Variants in JAK1 observed in about 807,000 individuals in gnomAD.
JAK1 encodes the protein Janus kinase 1.
JAK1 carries 16 observed loss-of-function variants against 136.6 expected under a neutral mutation model. The ratio of observed to expected loss-of-function variants is 0.12; its 90% CI spans 0.08 to 0.18. The LOEUF is 0.18. Among genes scored for constraint, JAK1 ranks in the 10% least tolerant of loss-of-function variants. JAK1 has a pLI of 1.00. For missense variants in JAK1, 859 were observed against 1,450.1 expected, an observed-to-expected ratio of 0.59 and a Z score of 6.62; for synonymous variants, 492 against 519.5, an observed-to-expected ratio of 0.95 and a Z score of 0.72.
chr1:64,855,744 G>C lies in JAK1; in HGVS notation c.1459-46C>G, dbSNP rs566689498. On this transcript the variant is annotated intron_variant, in intron 10 of 24. Transcript: ENST00000342505. Reference sequence around the variant, plus strand: ...AATTACATGTTTAAAATGGGGTCAGGCATGGGTATGTAAGATATTAACATT... The same window carrying C: ...AATTACATGTTTAAAATGGGGTCAGCCATGGGTATGTAAGATATTAACATT... 1.0e-4 allele frequency: 156 copies of C among 1,536,810 alleles called. No individual in the cohort carries two copies. The South Asian group carries it at 1.5e-3, about 15-fold the overall frequency.
intron 11 of JAK1, among the ~76,000 whole-genome samples, chr1:64,855,305 G>C (rs556039820): frequency 2.6e-4 from 40 of 152,332 alleles, no homozygotes; most frequent in African/African-American, 9.4e-4. Flanking sequence ...GCTGAGAAAG[G>C]TATATGCCTC....
intron 1 of JAK1, among the ~76,000 whole-genome samples, chr1:64,919,812 T>C (rs907846135): frequency 6.6e-6 from 1 of 152,102 alleles, no homozygotes; most frequent in Non-Finnish European, 1.5e-5. Flanking sequence ...GTCTTTCAAG[T>C]AGCTACTATA....
chr1:64,993,765 C>G lies in JAK1; in HGVS notation c.-78+50715G>C, dbSNP rs531524564. ...GGTTCAAGCGATTCTCCTCCCTCAG[C>G]CTCCCAAGTAGCTGGGATTACAGGC... On this transcript the variant is annotated intron_variant, in intron 2 of 25. Transcript: ENST00000671954. Among the ~76,000 whole-genome samples the G allele has an allele frequency of 2.6e-4, 39 of 152,274 alleles. No individual in the cohort carries two copies. In the South Asian group the frequency reaches 4.2e-3, roughly 16 times the overall value.
intron 1 of JAK1, among the ~76,000 whole-genome samples, chr1:65,053,978 T>C (rs944301097): frequency 6.6e-6 from 1 of 152,244 alleles, no homozygotes; most frequent in Non-Finnish European, 1.5e-5. Flanking sequence ...CTGTGTAGTA[T>C]GATCAAGGTA....
Position 64,889,031 on chromosome 1 carries a change from G to A in JAK1, c.-77-2690C>T, listed in dbSNP as rs531060023. ...ACTGTCCTCATTCAGGATGACAAGC[G>A]GTTTTTTTGTGTGTGTGCTACAGCA... is the stretch of plus-strand genomic sequence containing the variant. On this transcript the variant is annotated intron_variant, in intron 1 of 24. Coordinates refer to ENST00000342505, the MANE Select transcript of JAK1 (RefSeq NM_002227.4). Among the ~76,000 whole-genome samples, 14 of 152,236 alleles carry A rather than the reference G, an allele frequency of 9.2e-5. 1 individual carries two copies. The South Asian group carries it at 2.1e-3, about 23-fold the overall frequency.
At chr1:65,022,009 TA>T (rs1646942320) in intron 2 of JAK1, among the ~76,000 whole-genome samples, 3 of 152,154 alleles carry the variant, frequency 2.0e-5, no homozygotes, top group African/African-American at 7.2e-5. Flanking sequence ...TAGACTGTGA[TA>T]AAGGTGACTC....
chr1:64,931,042 A>G (rs1225243677), intron 1 of JAK1, among the ~76,000 whole-genome samples: 2 of 152,134 alleles, frequency 1.3e-5, no homozygotes, highest in Non-Finnish European at 2.9e-5. Context: ...AGAAATACCT[A>G]ATGTAGATGA....
chr1:64,994,132 G>T (rs1646682439), intron 2 of JAK1, among the ~76,000 whole-genome samples: 1 of 152,106 alleles, frequency 6.6e-6, no homozygotes, highest in African/African-American at 2.4e-5. Context: ...GTAGAGACAG[G>T]TTTTGGCCAT....
intron 1 of JAK1, among the ~76,000 whole-genome samples, chr1:64,938,039 C>T (rs1645822425): frequency 1.3e-5 from 2 of 152,034 alleles, no homozygotes; most frequent in African/African-American, 2.4e-5. Flanking sequence ...GCCACCACAC[C>T]CAGCTAATTT....
chr1:64,941,900 TCCCCAGAGAAAG>T (rs1168631558), intron 1 of JAK1: 5 of 151,956 alleles, frequency 3.3e-5, no homozygotes, highest in African/African-American at 1.2e-4. Context: ...ACACTACAGA[TCCCCAGAGAAAG>T]CCCTAGAGAA....
chr1:64,918,592 G>A lies in JAK1; in HGVS notation c.-77-32251C>T, dbSNP rs190608488. On this transcript the variant is annotated intron_variant, in intron 1 of 24. Transcript: ENST00000342505. ...GTTGGGCCAGAAAGAATGACCCAGG[G>A]CCCTGGAATAAACTGGGTTCCAATG... The A allele has an allele frequency of 2.9e-3, 499 of 172,812 alleles. 3 individuals carry two copies. The highest frequency in any genetic ancestry group is 3.5e-3 in the Non-Finnish European group (279 of 79,248). 10.7% of individuals were successfully genotyped at this position (172,812 alleles called of 1,614,324 possible).
intron 1 of JAK1, among the ~76,000 whole-genome samples, chr1:64,957,869 G>A (rs1047953911): frequency 5.9e-5 from 9 of 152,280 alleles, no homozygotes; most frequent in South Asian, 2.1e-4. Flanking sequence ...GCGTGAACCC[G>A]GGAGGCAGAG....
chr1:64,859,233 G>A (rs535432185), intron 9 of JAK1, among the ~76,000 whole-genome samples: 75 of 152,384 alleles, frequency 4.9e-4, no homozygotes, highest in African/African-American at 1.8e-3. Context: ...GAGAGGCTCA[G>A]AAGAAACACA....
chr1:64,855,734 A>G (rs756230608), intron 10 of JAK1, 36 bp from the exon 11 acceptor site: 1 of 1,588,782 alleles, frequency 6.3e-7, no homozygotes, highest in South Asian at 1.1e-5. Context: ...CATGTTTAAA[A>G]TGGGGTCAGG....
chr1:65,010,194 C>T (rs1196622817), intron 2 of JAK1, among the ~76,000 whole-genome samples: 1 of 152,222 alleles, frequency 6.6e-6, no homozygotes, highest in African/African-American at 2.4e-5. Context: ...TAGTGACTCA[C>T]TTCTAATGGA....
At chr1:64,977,132 C>T (rs1367882932) in intron 2 of JAK1, among the ~76,000 whole-genome samples, 2 of 106,384 alleles carry the variant, frequency 1.9e-5, no homozygotes, top group African/African-American at 7.6e-5. Context: ...CTCACAACAG[C>T]TTCATCTTGT....
At chr1:64,835,538 A>C in intron 23 of JAK1, 32 bp from the exon 24 acceptor site, 1 of 1,296,200 alleles carries the variant, frequency 7.7e-7, no homozygotes, top group South Asian at 1.3e-5. Context: ...AAAACGTTTA[A>C]CTTTGCAAGT....
chr1:65,020,727 T>C (rs966319509), intron 2 of JAK1, among the ~76,000 whole-genome samples: 69 of 152,198 alleles, frequency 4.5e-4, no homozygotes, highest in African/African-American at 1.6e-3. Context: ...CCATATTAGT[T>C]AGGGCTCCAC....
chr1:65,062,475 C>T (rs1479531642), intron 1 of JAK1, among the ~76,000 whole-genome samples: 1 of 152,182 alleles, frequency 6.6e-6, no homozygotes, highest in East Asian at 1.9e-4. Context: ...TTCAAATTCC[C>T]TTAATGGACA....
Sources: gnomAD v4.1 joint callset for allele counts (sites outside exome capture counted in the v4.1 genomes callset) on GRCh38, gnomAD v4.1.1 for gene constraint, MANE v1.5 for transcripts, NCBI Gene and HGNC (gene_info 2026-07-23, HGNC 2026-07-21) for gene names.